Variants in DOHH observed in about 807,000 individuals in gnomAD.
DOHH encodes deoxyhypusine hydroxylase.
Under a neutral mutation model 19.9 loss-of-function variants are expected in DOHH, and 16 were observed. The observed-to-expected ratio is 0.80, with a 90% CI of 0.54 to 1.22. DOHH has a LOEUF of 1.22. DOHH is among the 50% of genes most tolerant of loss of function. The probability of loss-of-function intolerance (pLI) is 0.00; values close to 1 mark genes in which losing one functional copy is unlikely to be tolerated. For synonymous variants in DOHH, 233 were observed against 217.0 expected, an observed-to-expected ratio of 1.07 and a Z score of -0.65; for missense variants, 460 against 460.6, an observed-to-expected ratio of 1.00 and a Z score of 0.01.
chr19:3,491,895 C>A lies in DOHH; in HGVS notation c.590-84G>T. On this transcript the variant is annotated intron_variant, in intron 4 of 4. Transcript: ENST00000427575. The surrounding 1 kb of genome is among the most constrained non-coding windows in gnomAD (Gnocchi z 5.6). ...TTTCGAAGACATGGGGTCTTGCTAT[C>A]TTGCCCAGGCAGGTCACAAAGTCCT... 1 of 1,314,968 alleles carries A rather than the reference C, an allele frequency of 7.6e-7. No homozygotes were observed. 81.5% of individuals were successfully genotyped at this position (1,314,968 alleles called of 1,614,324 possible).
intron 1 of DOHH, among the ~76,000 whole-genome samples, chr19:3,497,700 C>T (rs984091302): frequency 6.6e-6 from 1 of 152,202 alleles, no homozygotes; most frequent in Non-Finnish European, 1.5e-5. Context: ...TCACGGCTCA[C>T]TGTAGCCTCG....
At position 3,496,080 on chromosome 19, in the gene DOHH, T is replaced by C. The variant is rs1003332881; in HGVS notation, c.274+461A>G. On this transcript the variant is annotated intron_variant, in intron 2 of 4. Coordinates refer to ENST00000427575, the MANE Select transcript of DOHH (RefSeq NM_001145165.2). The surrounding 1 kb of genome is among the most constrained non-coding windows in gnomAD (Gnocchi z 4.8). ...AGGCTGGAGTGCGGTGGCACGATCA[T>C]GGCTCACTGCAACCTTGACTTCCCG... Among the ~76,000 whole-genome samples the C allele has an allele frequency of 4.6e-5, 7 of 152,088 alleles. No individual in the cohort carries two copies. Among genetic ancestry groups the C allele is most frequent in the African/African-American group, 1.4e-4 (6 of 41,424 alleles).
At chr19:3,492,116 T>G in intron 4 of DOHH, 146 bp downstream of exon 4, 2 of 797,140 alleles carry the variant, frequency 2.5e-6, no homozygotes, top group Non-Finnish European at 3.7e-6. Context: ...CTTGCACGGG[T>G]TCTTAAGAGG....
At chr19:3,492,697 G>C (rs2082880016) in intron 3 of DOHH, among the ~76,000 whole-genome samples, 198 bp from the exon 4 acceptor site, 1 of 152,190 alleles carries the variant, frequency 6.6e-6, no homozygotes, top group African/African-American at 2.4e-5. Flanking sequence ...GAGGGCCTCA[G>C]GGAGGAGGTG....
At position 3,491,369 on chromosome 19, in the gene DOHH, C is replaced by T. The variant is rs1281190898; in HGVS notation, c.*123G>A. ...CCAGACGGAGGAGGGGGACAGCAAC[C>T]ATGCGCCCAGCAAGACACAAGCGAT... On this transcript the variant is annotated 3_prime_UTR_variant, in exon 5 of 5. Coordinates refer to ENST00000427575, the MANE Select transcript of DOHH (RefSeq NM_001145165.2). The surrounding 1 kb of genome is among the most constrained non-coding windows in gnomAD (Gnocchi z 5.6). 2.6e-5 allele frequency: 28 copies of T among 1,072,486 alleles called. No individual in the cohort carries two copies. Among genetic ancestry groups the T allele is most frequent in the Non-Finnish European group, 3.6e-5 (27 of 757,194 alleles). The allele number at this position is 1,072,486 out of a possible 1,614,324, so 66.4% of individuals were successfully genotyped here. A position where few individuals can be genotyped will look rare whatever the true frequency, so the allele number is the denominator to read the frequency against.
chr19:3,496,747 G>A lies in DOHH; in HGVS notation c.68C>T (p.Ala23Val), dbSNP rs2082911450. The change falls in exon 2 of 5, where the codon GCC becomes GTC. Residue 23 changes from alanine (A) to valine (V), a missense_variant. By Grantham distance (64) the Ala-to-Val change is moderately conservative. Transcript: ENST00000427575. The surrounding 1 kb of genome is among the most constrained non-coding windows in gnomAD (Gnocchi z 4.8). ...CAGCGTGAACAGCGCCCGGAAGCGG[G>A]CCTGCAGGGGCTGCTTGGGGTCCAC... ...TLVDPKQPLQARFRALFTLRG... is the reference protein window; with the variant it reads ...TLVDPKQPLQVRFRALFTLRG... 1.9e-6 allele frequency: 3 copies of A among 1,609,704 alleles called. No individual in the cohort carries two copies. Among genetic ancestry groups the A allele is most frequent in the South Asian group, 2.2e-5 (2 of 90,988 alleles).
At chr19:3,497,718 A>C (rs1185669992) in intron 1 of DOHH, among the ~76,000 whole-genome samples, 1 of 152,154 alleles carries the variant, frequency 6.6e-6, no homozygotes, top group African/African-American at 2.4e-5. Context: ...TCGAACTCCC[A>C]GTCTCAAGTG....
chr19:3,492,084 G>A (rs2122052998), intron 4 of DOHH, among the ~76,000 whole-genome samples, 178 bp downstream of exon 4: 1 of 152,320 alleles, frequency 6.6e-6, no homozygotes, highest in African/African-American at 2.4e-5. Flanking sequence ...AAAGCTGGGA[G>A]CTATGGGGAC....
chr19:3,497,015 C>A, intron 1 of DOHH, 129 bp from the exon 2 acceptor site: 1 of 562,508 alleles, frequency 1.8e-6, no homozygotes, highest in Non-Finnish European at 2.7e-6. Flanking sequence ...AGCTCAGCTC[C>A]AACCTCCCTA....
intron 3 of DOHH, among the ~76,000 whole-genome samples, chr19:3,493,303 T>C (rs1019961634): frequency 7.3e-5 from 11 of 151,318 alleles, no homozygotes; most frequent in Non-Finnish European, 1.0e-4. Flanking sequence ...AAAAAACTAA[T>C]AAAATAAAAA....
chr19:3,492,264 T>A lies in DOHH; in HGVS notation c.587A>T (p.Glu196Val), dbSNP rs1461549068. The part of the protein sequence containing the change: ...GGEEAALALA[E>V]GLHCGSALFR... The stretch of plus-strand genomic sequence containing the variant: ...CCACCCCAGAAGCCCCTCCTCACCC[T>A]CGGCCAGCGCCAGGGCGGCCTCCTC... Residue 196 changes from glutamate (E) to valine (V), a missense_variant and splice_region_variant, in exon 4 of 5, where the codon GAG becomes GTG. Physicochemically the swap from Glu to Val is moderately radical, Grantham distance 121. Coordinates refer to ENST00000427575, the MANE Select transcript of DOHH (RefSeq NM_001145165.2). 2.7e-6 allele frequency: 4 copies of A among 1,460,510 alleles called. No homozygotes were observed. In the African/African-American group the frequency reaches 5.9e-5, roughly 21 times the overall value. The allele number at this position is 1,460,510 out of a possible 1,614,324, so 90.5% of individuals were successfully genotyped here. A position where few individuals can be genotyped will look rare whatever the true frequency, so the allele number is the denominator to read the frequency against.
Position 3,496,843 on chromosome 19 carries a change from C to T in DOHH, c.-29G>A, listed in dbSNP as rs566457146. Reference sequence around the variant, plus strand: ...GCTGTCAATGGGTCCCGGCCTTCCACAACCCTGCTCAGGCTAAACCTGGGG... The same window carrying T: ...GCTGTCAATGGGTCCCGGCCTTCCATAACCCTGCTCAGGCTAAACCTGGGG... On this transcript the variant is annotated 5_prime_UTR_variant, in exon 2 of 5. In the 5' UTR this introduces an upstream ATG that the reference lacks. Transcript: ENST00000427575. The surrounding 1 kb of genome is among the most constrained non-coding windows in gnomAD (Gnocchi z 4.8). 5.6e-5 allele frequency: 85 copies of T among 1,507,896 alleles called. No homozygotes were observed. The highest frequency in any genetic ancestry group is 7.2e-5 in the Non-Finnish European group (81 of 1,130,042). 93.4% of individuals were successfully genotyped at this position (1,507,896 alleles called of 1,614,324 possible). A position where few individuals can be genotyped will look rare whatever the true frequency, so the allele number is the denominator to read the frequency against.
intron 3 of DOHH, 26 bp downstream of exon 3, chr19:3,494,002 A>C (rs757164047): frequency 2.5e-6 from 4 of 1,606,988 alleles, no homozygotes; most frequent in Non-Finnish European, 3.4e-6. Flanking sequence ...CGAGACTGGC[A>C]GGGAGACAAG....
rs2082876288 is a variant in DOHH at position 3,492,357 on chromosome 19, A to G, written c.494T>C (p.Leu165Pro). 3.2e-6 allele frequency: 5 copies of G among 1,543,004 alleles called. No homozygotes were observed. The South Asian group carries it at 3.6e-5, about 11-fold the overall frequency. Residue 165 changes from leucine (L) to proline (P), a missense_variant, in exon 4 of 5, where the codon CTG (leucine) becomes CCG (proline). Coordinates refer to ENST00000427575, the MANE Select transcript of DOHH (RefSeq NM_001145165.2). ...GAAGAGCGGCCGGGACTCATCCAGCAGCGCCTCCCGCAGGCGCCCCACGTC... is the reference window on the plus strand; with the variant it reads ...GAAGAGCGGCCGGGACTCATCCAGCGGCGCCTCCCGCAGGCGCCCCACGTC... Reference protein sequence around the residue: ...ERDVGRLREALLDESRPLFER... With the variant: ...ERDVGRLREAPLDESRPLFER...
Position 3,496,475 on chromosome 19 carries a change from A to C in DOHH, c.274+66T>G. 17 of 1,548,538 alleles carry C rather than the reference A, an allele frequency of 1.1e-5. No homozygotes were observed. Among genetic ancestry groups the C allele is most frequent in the Non-Finnish European group, 1.5e-5 (17 of 1,143,492 alleles). ...ATTTATCACCTGAGTGAGGAAGGGG[A>C]CACGTGGGGTCATGAAGAAGTGAGG... On this transcript the variant is annotated intron_variant, in intron 2 of 4. Transcript: ENST00000427575. This position sits in a 1 kb window ranked among gnomAD's most constrained non-coding sequence, Gnocchi z 4.8.
intron 1 of DOHH, among the ~76,000 whole-genome samples, chr19:3,497,665 G>A (rs376598424): frequency 2.0e-5 from 3 of 152,090 alleles, no homozygotes; most frequent in Non-Finnish European, 4.4e-5. Context: ...TTGTTCTGTC[G>A]CCAGGCTGGA....
chr19:3,495,671 A>G (rs900808673), intron 2 of DOHH, among the ~76,000 whole-genome samples: 4 of 152,144 alleles, frequency 2.6e-5, no homozygotes, highest in African/African-American at 9.7e-5. Flanking sequence ...GCACTTTGGG[A>G]GGCCGAGGCA....
Position 3,496,007 on chromosome 19 carries a change from G to A in DOHH, c.274+534C>T, listed in dbSNP as rs566915727. On this transcript the variant is annotated intron_variant, in intron 2 of 4. Transcript: ENST00000427575. The surrounding 1 kb of genome is among the most constrained non-coding windows in gnomAD (Gnocchi z 4.8). ...AATTCAAATCTCAGCATTTACAAAT[G>A]AAGTTTGTTTTTTGTTTTTTCACAG... 2.6e-5 allele frequency among the ~76,000 whole-genome samples: 4 copies of A among 152,064 alleles called. No individual in the cohort carries two copies. The highest frequency in any genetic ancestry group is 5.9e-5 in the Non-Finnish European group (4 of 68,020).
In DOHH at chr19:3,491,908, G is replaced by T; in HGVS notation, c.590-97C>A. 5 of 1,255,280 alleles carry T rather than the reference G, an allele frequency of 4.0e-6. No homozygotes were observed. The highest frequency in any genetic ancestry group is 5.2e-6 in the Non-Finnish European group (5 of 954,770). 77.8% of individuals were successfully genotyped at this position (1,255,280 alleles called of 1,614,324 possible). A position where few individuals can be genotyped will look rare whatever the true frequency, so the allele number is the denominator to read the frequency against. Reference sequence around the variant, plus strand: ...GGGTCTTGCTATCTTGCCCAGGCAGGTCACAAAGTCCTGGCGATCTTCCCA... The same window carrying T: ...GGGTCTTGCTATCTTGCCCAGGCAGTTCACAAAGTCCTGGCGATCTTCCCA... On this transcript the variant is annotated intron_variant, in intron 4 of 4. Transcript: ENST00000427575. This position sits in a 1 kb window ranked among gnomAD's most constrained non-coding sequence, Gnocchi z 5.6.
Sources: gnomAD v4.1 joint callset for allele counts (sites outside exome capture counted in the v4.1 genomes callset) on GRCh38, gnomAD v4.1.1 for gene constraint, Gnocchi (gnomAD v3.1) non-coding constraint, MANE v1.5 for transcripts, NCBI Gene and HGNC (gene_info 2026-07-23, HGNC 2026-07-21) for gene names.